Variants in GRM8 observed in about 807,000 individuals in gnomAD.
GRM8 encodes the protein metabotropic glutamate receptor 8.
In GRM8, 47 loss-of-function variants were observed where a neutral mutation model predicts 87.2. The ratio of observed to expected loss-of-function variants is 0.54; its 90% CI spans 0.43 to 0.69. The LOEUF is 0.69. Ranked by LOEUF, GRM8 falls within the 30% of genes least tolerant of loss-of-function variation. The probability of loss-of-function intolerance (pLI) is 0.00; values close to 1 mark genes in which losing one functional copy is unlikely to be tolerated. For synonymous variants in GRM8, 396 were observed against 404.5 expected (o/e 0.98, Z 0.25); for missense variants, 1,019 against 1,139.2 (o/e 0.89, Z 1.52).
At chr7:126,736,847 A>G (rs749110594) in intron 7 of GRM8, among the ~76,000 whole-genome samples, 3 of 152,042 alleles carry the variant, frequency 2.0e-5, no homozygotes, top group Non-Finnish European at 2.9e-5. Flanking sequence ...TACCATTTCA[A>G]TAAAATACAG....
chr7:126,705,577 T>C (rs890119836), intron 7 of GRM8, among the ~76,000 whole-genome samples: 4 of 152,206 alleles, frequency 2.6e-5, no homozygotes, highest in African/African-American at 7.2e-5. Flanking sequence ...TAAACAAATA[T>C]ATATGTATGG....
chr7:126,771,617 C>T (rs1361320399), intron 6 of GRM8, among the ~76,000 whole-genome samples: 2 of 152,076 alleles, frequency 1.3e-5, no homozygotes, highest in Non-Finnish European at 2.9e-5. Flanking sequence ...TTATAATAAT[C>T]AGTTTACTTC....
chr7:126,852,654 G>T (rs1473272964), intron 6 of GRM8, among the ~76,000 whole-genome samples: 1 of 152,050 alleles, frequency 6.6e-6, no homozygotes, highest in East Asian at 1.9e-4. Flanking sequence ...TGTATTGAGA[G>T]TATTTTCTTT....
chr7:126,895,531 T>C (rs1801460591), intron 6 of GRM8, among the ~76,000 whole-genome samples: 2 of 152,126 alleles, frequency 1.3e-5, no homozygotes, highest in African/African-American at 4.8e-5. Context: ...GAAATGCTGT[T>C]AGACATAGTG....
At chr7:126,598,905 G>T (rs1797464428) in intron 8 of GRM8, among the ~76,000 whole-genome samples, 1 of 152,054 alleles carries the variant, frequency 6.6e-6, no homozygotes, top group African/African-American at 2.4e-5. Context: ...TGATAAGATG[G>T]TCCTCTGTTC....
chr7:127,125,071 G>A (rs990242194), intron 2 of GRM8, among the ~76,000 whole-genome samples: 3 of 152,068 alleles, frequency 2.0e-5, no homozygotes, highest in Non-Finnish European at 4.4e-5. Flanking sequence ...AAGGCTCAAT[G>A]CTTTTCCCCT....
At chr7:126,643,425 A>G (rs892454512) in intron 7 of GRM8, among the ~76,000 whole-genome samples, 3 of 147,104 alleles carry the variant, frequency 2.0e-5, no homozygotes, top group African/African-American at 7.5e-5. Context: ...TCCAACATCA[A>G]GTGGTTTCCA....
rs548819244 is a variant in GRM8 at position 126,550,263 on chromosome 7, C to T, written c.1495-16376G>A. Among the ~76,000 whole-genome samples, 4 of 152,052 alleles carry T rather than the reference C, an allele frequency of 2.6e-5. No homozygotes were observed. The East Asian group carries it at 5.8e-4, about 22-fold the overall frequency. ...CCGAGCAACTGGGACTACAGGCACA[C>T]GCCACCACGCCTGGCTAATTTTTGT... On this transcript the variant is annotated intron_variant, in intron 8 of 10. Transcript: ENST00000339582.
chr7:126,680,163 C>T (rs538459441), intron 7 of GRM8, among the ~76,000 whole-genome samples: 3 of 152,072 alleles, frequency 2.0e-5, no homozygotes, highest in East Asian at 1.9e-4. Flanking sequence ...CATATCTCTG[C>T]TATGGCAAGC....
chr7:127,176,167 T>C (rs1234884110), intron 2 of GRM8, among the ~76,000 whole-genome samples: 2 of 152,194 alleles, frequency 1.3e-5, no homozygotes, highest in East Asian at 3.9e-4. Context: ...TAGACCACTA[T>C]TAAAAAAATT....
chr7:126,599,560 T>C (rs1797538479), intron 8 of GRM8, among the ~76,000 whole-genome samples: 1 of 152,146 alleles, frequency 6.6e-6, no homozygotes, highest in Non-Finnish European at 1.5e-5. Flanking sequence ...CTTGCTTCTC[T>C]GAGAACGGAA....
At chr7:126,773,304 A>G (rs889726150) in intron 6 of GRM8, among the ~76,000 whole-genome samples, 1 of 152,122 alleles carries the variant, frequency 6.6e-6, no homozygotes, top group Non-Finnish European at 1.5e-5. Flanking sequence ...TGTTTCCATT[A>G]CTGCAGGGTG....
chr7:127,216,527 A>AC (rs1176874421), intron 2 of GRM8, among the ~76,000 whole-genome samples: 2 of 150,660 alleles, frequency 1.3e-5, no homozygotes, highest in African/African-American at 4.9e-5. Context: ...CAAAAAAAAA[A>AC]AAAAAAACAA....
rs138348490 is a variant in GRM8 at position 126,903,978 on chromosome 7, T to C, written c.1012A>G (p.Ile338Val). ...AVTILPKRAS[I>V]DGFDRYFRSR... Reference sequence around the variant, plus strand: ...CTCTATGGTGCATTCTTACCATCAATTGATGCTCGTTTGGGCAAAATTGTC... The same window carrying C: ...CTCTATGGTGCATTCTTACCATCAACTGATGCTCGTTTGGGCAAAATTGTC... The change falls in exon 5 of 11, where the codon ATT becomes GTT. Residue 338 changes from isoleucine (I) to valine (V), a missense_variant. By Grantham distance (29) the Ile-to-Val change is conservative. Transcript: ENST00000339582. 186 of 1,481,970 alleles carry C rather than the reference T, an allele frequency of 1.3e-4. No homozygotes were observed. In the African/African-American group the frequency reaches 2.1e-3, roughly 17 times the overall value. The allele number at this position is 1,481,970 out of a possible 1,614,324, so 91.8% of individuals were successfully genotyped here.
chr7:127,000,845 T>G (rs17863177), intron 3 of GRM8, among the ~76,000 whole-genome samples: 1 of 151,570 alleles, frequency 6.6e-6, no homozygotes, highest in Non-Finnish European at 1.5e-5. Flanking sequence ...ATGGTTAAAA[T>G]AGCAAATTTT....
intron 6 of GRM8, among the ~76,000 whole-genome samples, chr7:126,861,726 G>C (rs1441448948): frequency 1.3e-5 from 2 of 151,584 alleles, no homozygotes; most frequent in East Asian, 3.9e-4. Flanking sequence ...CCATTCTTGA[G>C]TTTTTATTCT....
intron 3 of GRM8, among the ~76,000 whole-genome samples, chr7:127,062,797 G>C (rs1820742782): frequency 6.6e-6 from 1 of 152,184 alleles, no homozygotes; most frequent in African/African-American, 2.4e-5. Flanking sequence ...GTTTGTGTGT[G>C]TAGAGGTGTT....
At chr7:126,647,342 GATAT>G (rs146180419) in intron 7 of GRM8, among the ~76,000 whole-genome samples, 2 of 125,416 alleles carry the variant, frequency 1.6e-5, no homozygotes, top group East Asian at 2.3e-4. Context: ...TAGATAGATA[GATAT>G]AGATATAGAT....
At chr7:126,581,847 A>G (rs899047203) in intron 8 of GRM8, among the ~76,000 whole-genome samples, 1 of 151,988 alleles carries the variant, frequency 6.6e-6, no homozygotes, top group African/African-American at 2.4e-5. Context: ...TTGGAGTGCA[A>G]CAGAACTACA....
Sources: allele counts gnomAD v4.1 joint callset (sites outside exome capture counted in the v4.1 genomes callset), GRCh38; gene constraint gnomAD v4.1.1; transcripts MANE v1.5; gene names NCBI Gene and HGNC (gene_info 2026-07-23, HGNC 2026-07-21).